The following HSPA14 variants were observed in gnomAD, a reference collection of about 807,000 sequenced individuals.
HSPA14 encodes heat shock protein family A (Hsp70) member 14, also known as heat shock 70 kDa protein 14.
HSPA14 carries 37 observed loss-of-function variants against 65.5 expected under a neutral mutation model. The ratio of observed to expected loss-of-function variants is 0.56; its 90% CI spans 0.43 to 0.74. The LOEUF is 0.74. Among genes scored for constraint, HSPA14 ranks in the 30% least tolerant of loss-of-function variants. The pLI, the probability that HSPA14 is intolerant of heterozygous loss-of-function variation, is 0.00. For missense variants in HSPA14, 564 were observed against 607.6 expected, an observed-to-expected ratio of 0.93 and a Z score of 0.75; for synonymous variants, 203 against 214.2, an observed-to-expected ratio of 0.95 and a Z score of 0.46.
chr10:14,870,784 G>GT (rs1475957293), intron 13 of HSPA14, 117 bp downstream of exon 13: 2 of 958,182 alleles, frequency 2.1e-6, no homozygotes, highest in Non-Finnish European at 2.9e-6. Context: ...ACCTACAGAG[G>GT]TTTTTATCAG....
chr10:14,871,509 T>C lies in HSPA14; in HGVS notation c.1452-19T>C. On this transcript the variant is annotated intron_variant, in intron 13 of 13. Coordinates refer to ENST00000378372, the MANE Select transcript of HSPA14 (RefSeq NM_016299.4). ...TAAAATGAGCTTGTGCAATGTTCTT[T>C]ATTTTTTTGTCTGTTTAGGGATGGA... 4 of 1,472,556 alleles carry C rather than the reference T, an allele frequency of 2.7e-6. No homozygotes were observed. The highest frequency in any genetic ancestry group is 3.8e-6 in the Non-Finnish European group (4 of 1,065,768). The allele number at this position is 1,472,556 out of a possible 1,614,324, so 91.2% of individuals were successfully genotyped here.
chr10:14,838,522 C>G (rs1415353285), intron 1 of HSPA14, 63 bp downstream of exon 1: 10 of 1,466,792 alleles, frequency 6.8e-6, no homozygotes, highest in Non-Finnish European at 9.3e-6. Flanking sequence ...GGCGCTGGGT[C>G]ATCCACAGGC....
intron 10 of HSPA14, among the ~76,000 whole-genome samples, chr10:14,863,212 T>C (rs1832772213): frequency 6.6e-6 from 1 of 152,232 alleles, no homozygotes; most frequent in Non-Finnish European, 1.5e-5. Flanking sequence ...TTTTATATTA[T>C]TTATGCTAAC....
At chr10:14,871,383 T>C (rs921077427) in intron 13 of HSPA14, 145 bp from the exon 14 acceptor site, 1 of 577,628 alleles carries the variant, frequency 1.7e-6, no homozygotes, top group Non-Finnish European at 3.0e-6. Flanking sequence ...GACACTGAGA[T>C]TGTGTTTATT....
At chr10:14,853,973 G>T in intron 8 of HSPA14, 152 bp from the exon 9 acceptor site, 1 of 595,762 alleles carries the variant, frequency 1.7e-6, no homozygotes, top group Non-Finnish European at 2.8e-6. Context: ...ACCCATCTCA[G>T]CCTCCCAAAG....
intron 1 of HSPA14, among the ~76,000 whole-genome samples, chr10:14,838,872 G>A (rs950904339): frequency 6.6e-6 from 1 of 152,152 alleles, no homozygotes; most frequent in African/African-American, 2.4e-5. Context: ...CTGGATGCCG[G>A]AAGGGGTCTC....
At chr10:14,845,888 C>T (rs989971641) in intron 3 of HSPA14, 10 of 447,454 alleles carry the variant, frequency 2.2e-5, no homozygotes, top group Non-Finnish European at 2.4e-5. Context: ...TCTTTATCTC[C>T]GGATTGAGGG....
rs1832820151 is a variant in HSPA14, at chr10:14,867,809, A to C, written c.1280A>C (p.Gln427Pro). The C allele has an allele frequency of 6.2e-7, 1 of 1,614,040 alleles. No individual in the cohort carries two copies. Among genetic ancestry groups the C allele is most frequent in the African/African-American group, 1.3e-5 (1 of 74,920 alleles). Residue 427 changes from glutamine to proline, a missense_variant, in exon 12 of 14, where the codon CAA (glutamine) becomes CCA (proline). Physicochemically the swap from Gln to Pro is moderately conservative, Grantham distance 76 (BLOSUM62 -1). Transcript: ENST00000378372. ...PSGTPLPARR[Q>P]HTLQAPGSIS... ...GGGACTCCTTTGCCAGCTCGAAGAC[A>C]ACACACATTGCAAGCCCCTGGAAGC...
chr10:14,854,101 C>G (rs372218147), intron 8 of HSPA14, 24 bp from the exon 9 acceptor site: 8 of 1,568,520 alleles, frequency 5.1e-6, no homozygotes, highest in Non-Finnish European at 6.9e-6. Flanking sequence ...ATTTTAAACC[C>G]CAAAGGCTAT....
chr10:14,871,713 T>C lies in HSPA14; in HGVS notation c.*107T>C. 4 of 570,634 alleles carry C rather than the reference T, an allele frequency of 7.0e-6. No individual in the cohort carries two copies. The South Asian group carries it at 1.0e-4, about 15-fold the overall frequency. 35.3% of individuals were successfully genotyped at this position (570,634 alleles called of 1,614,324 possible). ...CTTTTTCAATGAACTGTATAAACTATGTTTTATTAAACTACAATATATCAG... is the reference window on the plus strand; with the variant it reads ...CTTTTTCAATGAACTGTATAAACTACGTTTTATTAAACTACAATATATCAG... On this transcript the variant is annotated 3_prime_UTR_variant, in exon 14 of 14. Coordinates refer to ENST00000378372, the MANE Select transcript of HSPA14 (RefSeq NM_016299.4).
chr10:14,849,611 T>C, intron 5 of HSPA14, 110 bp from the exon 6 acceptor site: 1 of 863,806 alleles, frequency 1.2e-6, no homozygotes, highest in Non-Finnish European at 1.9e-6. Context: ...GGCAAGCAAG[T>C]GTATTGGGAA....
intron 6 of HSPA14, among the ~76,000 whole-genome samples, chr10:14,850,229 G>A (rs376638857): frequency 3.4e-5 from 5 of 148,768 alleles, no homozygotes; most frequent in Non-Finnish European, 7.4e-5. Context: ...CCAAAGTCGC[G>A]CCACTCCACT....
intron 10 of HSPA14, among the ~76,000 whole-genome samples, chr10:14,859,866 GTTC>G (rs1170211651): frequency 6.6e-6 from 1 of 152,098 alleles, no homozygotes; most frequent in Non-Finnish European, 1.5e-5. Context: ...TTTGTTTACA[GTTC>G]TTTTTTCAGA....
chr10:14,853,961 C>A (rs1349206369), intron 8 of HSPA14, among the ~76,000 whole-genome samples, 164 bp from the exon 9 acceptor site: 1 of 152,190 alleles, frequency 6.6e-6, no homozygotes, highest in African/African-American at 2.4e-5. Context: ...CTCAGGTGAT[C>A]TACCCATCTC....
At chr10:14,868,362 G>C (rs977312694) in intron 12 of HSPA14, among the ~76,000 whole-genome samples, 1 of 152,120 alleles carries the variant, frequency 6.6e-6, no homozygotes, top group Admixed American at 6.5e-5. Context: ...GTGCCATGCT[G>C]CCTCTGAGAC....
At chr10:14,849,136 A>G (rs1834088313) in intron 5 of HSPA14, among the ~76,000 whole-genome samples, 1 of 152,206 alleles carries the variant, frequency 6.6e-6, no homozygotes. Context: ...GCCAAATAAG[A>G]GTTTTCCAAA....
chr10:14,848,543 CT>C (rs1396252812), intron 3 of HSPA14, 65 bp from the exon 4 acceptor site: 5 of 1,217,378 alleles, frequency 4.1e-6, no homozygotes, highest in African/African-American at 3.0e-5. Flanking sequence ...ACAGTCTTCT[CT>C]AAACTTTATA....
chr10:14,853,990 T>A, intron 8 of HSPA14, 135 bp from the exon 9 acceptor site: 2 of 752,976 alleles, frequency 2.7e-6, no homozygotes, highest in Non-Finnish European at 4.1e-6. Context: ...AAAGTTGGGA[T>A]TACACGCGTG....
intron 3 of HSPA14, among the ~76,000 whole-genome samples, chr10:14,841,623 C>T (rs939191341): frequency 6.6e-6 from 1 of 152,150 alleles, no homozygotes; most frequent in Non-Finnish European, 1.5e-5. Context: ...TTTTATGCTG[C>T]TGTTTGAGGG....
Sources: allele counts gnomAD v4.1 joint callset (sites outside exome capture counted in the v4.1 genomes callset), GRCh38; gene constraint gnomAD v4.1.1; transcripts MANE v1.5; gene names NCBI Gene and HGNC (gene_info 2026-07-23, HGNC 2026-07-21).